The following DLG2 variants were observed in gnomAD, a reference collection of about 807,000 sequenced individuals.
DLG2 encodes the protein discs large MAGUK scaffold protein 2.
Under a neutral mutation model 132.5 loss-of-function variants are expected in DLG2, and 45 were observed. The ratio of observed to expected loss-of-function variants is 0.34; its 90% CI spans 0.27 to 0.44. The LOEUF (loss-of-function observed/expected upper bound fraction) is 0.44. DLG2 is among the 20% of genes least tolerant of loss of function. DLG2 has a pLI of 1.00. For synonymous variants in DLG2, 424 were observed against 419.6 expected (o/e 1.01, Z -0.13); for missense variants, 1,045 against 1,196.9 (o/e 0.87, Z 1.87).
At chr11:83,732,172 G>A (rs2091136204) in intron 18 of DLG2, among the ~76,000 whole-genome samples, 1 of 152,122 alleles carries the variant, frequency 6.6e-6, no homozygotes, top group Admixed American at 6.5e-5. Flanking sequence ...TGTGTTTTTG[G>A]ATGTGATTCC....
At chr11:83,622,789 T>G (rs2061831292) in intron 19 of DLG2, among the ~76,000 whole-genome samples, 1 of 152,108 alleles carries the variant, frequency 6.6e-6, no homozygotes, top group Non-Finnish European at 1.5e-5. Context: ...AGATCTCAAT[T>G]TTTTTTGAAT....
chr11:83,527,260 G>A (rs2095631438), intron 21 of DLG2, among the ~76,000 whole-genome samples: 1 of 152,088 alleles, frequency 6.6e-6, no homozygotes, highest in Admixed American at 6.6e-5. Flanking sequence ...TTCTTAAATT[G>A]CACAAGTGTT....
intron 16 of DLG2, among the ~76,000 whole-genome samples, chr11:83,864,219 G>C (rs17146243): frequency 0.019 from 2,927 of 152,278 alleles, 95 homozygotes; most frequent in African/African-American, 0.067. Flanking sequence ...AGTGCTAGTA[G>C]CTTCCCTCAA....
chr11:83,926,693 T>A (rs2079038738), intron 15 of DLG2, among the ~76,000 whole-genome samples: 1 of 152,112 alleles, frequency 6.6e-6, no homozygotes, highest in Non-Finnish European at 1.5e-5. Flanking sequence ...TAGATTGGGT[T>A]CCACAACATT....
At chr11:83,993,519 A>G (rs1565949642) in intron 11 of DLG2, among the ~76,000 whole-genome samples, 1 of 152,158 alleles carries the variant, frequency 6.6e-6, no homozygotes, top group Non-Finnish European at 1.5e-5. Flanking sequence ...TACTCAAAGA[A>G]CTATCATTGA....
intron 3 of DLG2, among the ~76,000 whole-genome samples, chr11:85,391,801 G>C (rs962634496): frequency 6.6e-6 from 1 of 152,092 alleles, no homozygotes; most frequent in Admixed American, 6.6e-5. Context: ...GGTAATAAAA[G>C]CCATCTATGA....
chr11:85,183,755 G>C lies in DLG2; in HGVS notation c.187-29104C>G, dbSNP rs2079893014. On this transcript the variant is annotated intron_variant, in intron 4 of 27. Coordinates refer to ENST00000376104, the MANE Select transcript of DLG2 (RefSeq NM_001142699.3). ...ATGCTCCTATTACCTCTGAATATTA[G>C]ATCACTAGTTGAGAAAACAGGCTGC... Among the ~76,000 whole-genome samples, 6 of 151,984 alleles carry C rather than the reference G, an allele frequency of 3.9e-5. No homozygotes were observed. In the South Asian group the frequency reaches 1.2e-3, roughly 31 times the overall value.
At position 84,548,015 on chromosome 11, in the gene DLG2, T is replaced by C. The variant is rs184208891; in HGVS notation, c.358-13284A>G. On this transcript the variant is annotated intron_variant, in intron 6 of 27. Coordinates refer to ENST00000376104, the MANE Select transcript of DLG2 (RefSeq NM_001142699.3). ...TTCAACAATAAAATCAAAAATTGGT[T>C]TATGTTGTGTAGCACAGGTAATAAA... 1.4e-3 allele frequency among the ~76,000 whole-genome samples: 213 copies of C among 152,294 alleles called. 1 individual carries two copies. Among genetic ancestry groups the C allele is most frequent in the Admixed American group, 2.9e-3 (44 of 15,298 alleles).
intron 3 of DLG2, among the ~76,000 whole-genome samples, chr11:85,288,991 T>A (rs1404682090): frequency 6.6e-6 from 1 of 152,118 alleles, no homozygotes; most frequent in Non-Finnish European, 1.5e-5. Context: ...AGAAAAACCC[T>A]AGGGACAATA....
chr11:84,684,888 A>C lies in DLG2; in HGVS notation c.358-150157T>G, dbSNP rs570358621. On this transcript the variant is annotated intron_variant, in intron 6 of 27. Transcript: ENST00000376104. Reference sequence around the variant, plus strand: ...GTTCCCAGATACAGAATTAAGTGGAATACAGTGTTTGACTTTGAGAATTTC... The same window carrying C: ...GTTCCCAGATACAGAATTAAGTGGACTACAGTGTTTGACTTTGAGAATTTC... Among the ~76,000 whole-genome samples the C allele has an allele frequency of 4.6e-5, 7 of 152,362 alleles. No individual in the cohort carries two copies. In the East Asian group the frequency reaches 1.3e-3, roughly 29 times the overall value.
intron 18 of DLG2, among the ~76,000 whole-genome samples, chr11:83,672,234 T>C (rs2076950844): frequency 6.6e-6 from 1 of 152,030 alleles, no homozygotes; most frequent in Non-Finnish European, 1.5e-5. Flanking sequence ...TTGCCCAGGC[T>C]ACTGCAATGG....
chr11:85,069,471 C>T (rs554824391), intron 6 of DLG2, among the ~76,000 whole-genome samples: 1 of 152,176 alleles, frequency 6.6e-6, no homozygotes, highest in East Asian at 1.9e-4. Context: ...AAACAAACAA[C>T]CCCATCAAAA....
chr11:84,511,527 G>C (rs1334049089), intron 7 of DLG2, among the ~76,000 whole-genome samples: 1 of 151,936 alleles, frequency 6.6e-6, no homozygotes, highest in Non-Finnish European at 1.5e-5. Context: ...CCTATACTTA[G>C]GTTCCACAAA....
intron 4 of DLG2, among the ~76,000 whole-genome samples, chr11:85,239,218 G>T (rs922981325): frequency 5.9e-5 from 9 of 151,980 alleles, no homozygotes; most frequent in Admixed American, 2.0e-4. Flanking sequence ...ATAGCAACAA[G>T]AAGTTATTAC....
chr11:85,375,720 A>C (rs1207989491), intron 3 of DLG2, among the ~76,000 whole-genome samples: 1 of 152,256 alleles, frequency 6.6e-6, no homozygotes, highest in African/African-American at 2.4e-5. Flanking sequence ...CAATTTGAAC[A>C]GTAATAAGGA....
intron 7 of DLG2, among the ~76,000 whole-genome samples, chr11:84,274,828 C>A (rs1053314669): frequency 1.3e-5 from 2 of 152,146 alleles, no homozygotes; most frequent in African/African-American, 2.4e-5. Context: ...ATCAATTCAA[C>A]CAACCTTCTC....
intron 3 of DLG2, among the ~76,000 whole-genome samples, chr11:85,473,358 T>A (rs2093044984): frequency 6.6e-6 from 1 of 152,232 alleles, no homozygotes; most frequent in African/African-American, 2.4e-5. Context: ...TAATCAGTTC[T>A]GGACTTTTGC....
intron 6 of DLG2, among the ~76,000 whole-genome samples, chr11:84,760,604 C>A (rs1565892892): frequency 6.6e-6 from 1 of 152,220 alleles, no homozygotes; most frequent in Non-Finnish European, 1.5e-5. Flanking sequence ...ACACTGTGCA[C>A]ACCTTCATGA....
chr11:84,216,033 G>C (rs770586528), intron 8 of DLG2, among the ~76,000 whole-genome samples: 45 of 152,248 alleles, frequency 3.0e-4, no homozygotes, highest in Admixed American at 1.6e-3. Flanking sequence ...CATTTCTGTA[G>C]GTCAGAAGTT....
Sources: allele counts gnomAD v4.1 joint callset (sites outside exome capture counted in the v4.1 genomes callset), GRCh38; gene constraint gnomAD v4.1.1; transcripts MANE v1.5; gene names NCBI Gene and HGNC (gene_info 2026-07-23, HGNC 2026-07-21).